Variants in OR1L6 observed in about 807,000 individuals in gnomAD.
The protein encoded by OR1L6 is olfactory receptor family 1 subfamily L member 6, also known as olfactory receptor 1L6.
OR1L6 carries 2 observed loss-of-function variants against 3.0 expected under a neutral mutation model. The observed-to-expected ratio is 0.68, with a 90% CI of 0.28 to 2.13. The LOEUF is 2.13. Ranked by LOEUF, OR1L6 falls within the 30% of genes most tolerant of loss-of-function variation. The pLI, the probability that OR1L6 is intolerant of heterozygous loss-of-function variation, is 0.14. For synonymous variants in OR1L6, 121 were observed against 148.4 expected, an observed-to-expected ratio of 0.82 and a Z score of 1.34; for missense variants, 304 against 378.4, an observed-to-expected ratio of 0.80 and a Z score of 1.63.
chr9:122,744,965 G>A (rs954157023), intron 1 of OR1L6, among the ~76,000 whole-genome samples: 2 of 152,194 alleles, frequency 1.3e-5, no homozygotes, highest in African/African-American at 4.8e-5. Flanking sequence ...CAAGCCAAGG[G>A]TGATGAGATA....
In OR1L6 at chr9:122,750,659, G is replaced by A. The variant is rs779249937; in HGVS notation, c.812G>A (p.Arg271Lys). The part of the protein sequence containing the change: ...FRPLSMYSVV[R>K]DRVATVMYTV... Reference sequence around the variant, plus strand: ...CCCCTGTCCATGTACTCAGTGGTTAGGGACCGGGTAGCCACAGTTATGTAC... The same window carrying A: ...CCCCTGTCCATGTACTCAGTGGTTAAGGACCGGGTAGCCACAGTTATGTAC... Residue 271 changes from arginine (R) to lysine (K), a missense_variant, in exon 2 of 2, where the codon AGG becomes AAG. By Grantham distance (26) the Arg-to-Lys change is conservative. Around this residue, in one of 3 missense-constraint regions of OR1L6, gnomAD observed 91 missense variants for 87.8 expected, o/e 1.04. Transcript: ENST00000304720. 13 of 1,614,100 alleles carry A rather than the reference G, an allele frequency of 8.1e-6. No individual in the cohort carries two copies. The highest frequency in any genetic ancestry group is 1.7e-5 in the Admixed American group (1 of 60,026).
intron 1 of OR1L6, among the ~76,000 whole-genome samples, chr9:122,746,197 A>G (rs2118908281): frequency 6.6e-6 from 1 of 152,336 alleles, no homozygotes; most frequent in Middle Eastern, 3.4e-3. Context: ...GACTGCCTGA[A>G]TTCAAATTCC....
At chr9:122,749,674 C>G in intron 1 of OR1L6, 161 bp from the exon 2 acceptor site, 1 of 738,988 alleles carries the variant, frequency 1.4e-6, no homozygotes, top group Admixed American at 2.2e-5. Flanking sequence ...CGCCACTGCA[C>G]TCCAGTCTGG....
intron 1 of OR1L6, among the ~76,000 whole-genome samples, chr9:122,743,283 G>C (rs966277828): frequency 6.6e-6 from 1 of 152,178 alleles, no homozygotes; most frequent in Non-Finnish European, 1.5e-5. Flanking sequence ...TGGGGCAGAA[G>C]CTAGCTGAGG....
intron 1 of OR1L6, among the ~76,000 whole-genome samples, chr9:122,745,699 A>G (rs963184216): frequency 6.6e-6 from 1 of 152,128 alleles, no homozygotes; most frequent in Admixed American, 6.5e-5. Context: ...GGCGTAAACC[A>G]CCGCACCCAG....
rs1381943121 is a variant in OR1L6, at chr9:122,749,957, T to C, written c.110T>C (p.Leu37Pro). The C allele has an allele frequency of 8.7e-6, 14 of 1,614,054 alleles. No homozygotes were observed. Among genetic ancestry groups the C allele is most frequent in the African/African-American group, 4.0e-5 (3 of 74,924 alleles). ...TTTGCCATCTTCCTCATCATGTACCTGCTCGCTGCGGTGGGGAATGTGCTC... is the reference window on the plus strand; with the variant it reads ...TTTGCCATCTTCCTCATCATGTACCCGCTCGCTGCGGTGGGGAATGTGCTC... ...PLFAIFLIMY[L>P]LAAVGNVLII... Residue 37 changes from leucine to proline, a missense_variant, in exon 2 of 2, where the codon CTG becomes CCG. This residue lies in a region of OR1L6 where 192 missense variants were observed against 242.7 expected (regional missense o/e 0.79). Transcript: ENST00000304720.
In OR1L6 at chr9:122,745,567, A is replaced by C. The variant is rs10985758; in HGVS notation, c.-14+3194A>C. On this transcript the variant is annotated intron_variant, in intron 1 of 1. Transcript: ENST00000304720. ...AGCTGGGACTGCAGGCGCCCACCAC[A>C]ACGCCCAGCTAAGTTTTTGTATTTT... Among the ~76,000 whole-genome samples, 331 of 151,590 alleles carry C rather than the reference A, an allele frequency of 2.2e-3. 2 individuals carry two copies. The highest frequency in any genetic ancestry group is 3.7e-3 in the Non-Finnish European group (254 of 67,866).
intron 1 of OR1L6, among the ~76,000 whole-genome samples, chr9:122,745,914 G>C (rs1177894137): frequency 3.9e-5 from 6 of 152,014 alleles, no homozygotes; most frequent in African/African-American, 1.5e-4. Flanking sequence ...GTGCAGGTTT[G>C]TTATGTAGGT....
intron 1 of OR1L6, among the ~76,000 whole-genome samples, chr9:122,743,735 T>A (rs1380711769): frequency 6.6e-6 from 1 of 152,204 alleles, no homozygotes; most frequent in Non-Finnish European, 1.5e-5. Flanking sequence ...TCATAGCCTG[T>A]CATCTCTGAA....
rs1435450931 is a variant in OR1L6, at chr9:122,746,432, CGTT to C, written c.-13-3401_-13-3399del. Among the ~76,000 whole-genome samples, 5 of 152,176 alleles carry C rather than the reference CGTT, an allele frequency of 3.3e-5. No homozygotes were observed. The East Asian group carries it at 9.7e-4, about 29-fold the overall frequency. ...TCTTATTTCTTTAGAGACTGCATGACGTTGAGTAATAAAAATATACTATAAACT... is the reference window on the plus strand; with the variant it reads ...TCTTATTTCTTTAGAGACTGCATGACGAGTAATAAAAATATACTATAAACT... On this transcript the variant is annotated intron_variant, in intron 1 of 1. Transcript: ENST00000304720.
chr9:122,749,687 G>A (rs1828870041), intron 1 of OR1L6, 148 bp from the exon 2 acceptor site: 4 of 782,842 alleles, frequency 5.1e-6, no homozygotes, highest in African/African-American at 3.5e-5. Flanking sequence ...CAGTCTGGGC[G>A]ACAGACCGAG....
At chr9:122,749,659 G>C (rs1828869636) in intron 1 of OR1L6, 176 bp from the exon 2 acceptor site, 2 of 696,680 alleles carry the variant, frequency 2.9e-6, no homozygotes, top group African/African-American at 3.6e-5. Context: ...AGTGAGCTGA[G>C]ATCACGCCAC....
At chr9:122,746,113 T>C (rs1260822687) in intron 1 of OR1L6, among the ~76,000 whole-genome samples, 3 of 152,180 alleles carry the variant, frequency 2.0e-5, no homozygotes, top group Non-Finnish European at 4.4e-5. Context: ...GGATTATTCT[T>C]TAGGCATTGT....
chr9:122,742,650 C>A (rs532692478), intron 1 of OR1L6, among the ~76,000 whole-genome samples: 4 of 152,308 alleles, frequency 2.6e-5, no homozygotes, highest in Non-Finnish European at 5.9e-5. Flanking sequence ...ACCAGGTCAA[C>A]AGAGGAACAA....
intron 1 of OR1L6, among the ~76,000 whole-genome samples, chr9:122,746,258 AC>A (rs1356249972): frequency 6.6e-6 from 1 of 152,202 alleles, no homozygotes; most frequent in African/African-American, 2.4e-5. Flanking sequence ...TAATTTTGCT[AC>A]ACTCTAAATT....
intron 1 of OR1L6, among the ~76,000 whole-genome samples, chr9:122,745,971 G>A (rs1382168473): frequency 6.6e-6 from 1 of 152,026 alleles, no homozygotes; most frequent in Non-Finnish European, 1.5e-5. Flanking sequence ...TGTCATCTAG[G>A]TTTTAAGCCT....
chr9:122,745,000 T>C (rs561390307), intron 1 of OR1L6, among the ~76,000 whole-genome samples: 2 of 152,192 alleles, frequency 1.3e-5, no homozygotes, highest in African/African-American at 4.8e-5. Context: ...GGATAAACTG[T>C]GTCCCAGGGG....
chr9:122,750,428 C>T lies in OR1L6; in HGVS notation c.581C>T (p.Ser194Phe), dbSNP rs1443248875. 2 of 1,600,698 alleles carry T rather than the reference C, an allele frequency of 1.2e-6. No homozygotes were observed. The highest frequency in any genetic ancestry group is 2.2e-5 in the South Asian group (2 of 90,340). ...PVLKLSCSDT[S>F]SSQMVVMTET... ...CTAAAGCTCTCCTGCTCTGACACAT[C>T]CTCCAGCCAGATGGTGGTGATGACT... Residue 194 changes from serine (S) to phenylalanine (F), a missense_variant, in exon 2 of 2, where the codon TCC becomes TTC. By Grantham distance (155) the Ser-to-Phe change is radical (BLOSUM62 -2). Coordinates refer to ENST00000304720, the MANE Select transcript of OR1L6 (RefSeq NM_001004453.3).
At chr9:122,743,672 C>T (rs1296590002) in intron 1 of OR1L6, among the ~76,000 whole-genome samples, 1 of 152,152 alleles carries the variant, frequency 6.6e-6, no homozygotes, top group Non-Finnish European at 1.5e-5. Context: ...GTTGATGTTG[C>T]AAAATCAGAG....
Sources: gnomAD v4.1 joint callset for allele counts (sites outside exome capture counted in the v4.1 genomes callset) on GRCh38, gnomAD v4.1.1 for gene constraint, gnomAD v4.1.1 regional missense constraint, MANE v1.5 for transcripts, NCBI Gene and HGNC (gene_info 2026-07-23, HGNC 2026-07-21) for gene names.